The following SGCZ variants were observed in gnomAD, a reference collection of about 807,000 sequenced individuals.
SGCZ encodes sarcoglycan zeta.
Under a neutral mutation model 41.3 loss-of-function variants are expected in SGCZ, and 40 were observed. The observed-to-expected ratio is 0.97, with a 90% confidence interval of 0.75 to 1.26. The LOEUF is 1.26. Among genes scored for constraint, SGCZ ranks in the 50% most tolerant of loss-of-function variants. The pLI is 0.00. For synonymous variants in SGCZ, 206 were observed against 137.5 expected, an observed-to-expected ratio of 1.50 and a Z score of -3.49; for missense variants, 552 against 369.8, an observed-to-expected ratio of 1.49 and a Z score of -4.04.
intron 1 of SGCZ, among the ~76,000 whole-genome samples, chr8:14,706,133 T>C (rs1809326071): frequency 1.3e-5 from 2 of 152,074 alleles, no homozygotes; most frequent in African/African-American, 4.8e-5. Flanking sequence ...TAATAGCTTT[T>C]AGTCTTCAAT....
At chr8:14,279,513 A>G (rs1437424465) in intron 3 of SGCZ, among the ~76,000 whole-genome samples, 1 of 151,784 alleles carries the variant, frequency 6.6e-6, no homozygotes, top group Non-Finnish European at 1.5e-5. Context: ...GGATTGGATG[A>G]CTCCATAAAT....
At chr8:15,208,101 C>T (rs1343726670) in intron 1 of SGCZ, among the ~76,000 whole-genome samples, 1 of 152,038 alleles carries the variant, frequency 6.6e-6, no homozygotes, top group Non-Finnish European at 1.5e-5. Context: ...AATAAAACAG[C>T]AAATAAAACA....
At chr8:14,226,024 G>T (rs1303875774) in intron 4 of SGCZ, among the ~76,000 whole-genome samples, 1 of 151,840 alleles carries the variant, frequency 6.6e-6, no homozygotes, top group East Asian at 1.9e-4. Flanking sequence ...AAGGACGATG[G>T]TATAAGTGAT....
At chr8:15,133,925 G>A (rs1303301659) in intron 1 of SGCZ, among the ~76,000 whole-genome samples, 1 of 152,042 alleles carries the variant, frequency 6.6e-6, no homozygotes, top group Non-Finnish European at 1.5e-5. Flanking sequence ...CCTGGTATTA[G>A]GCATCTATTT....
At chr8:14,196,154 G>A (rs186765178) in intron 4 of SGCZ, among the ~76,000 whole-genome samples, 100 of 151,870 alleles carry the variant, frequency 6.6e-4, no homozygotes, top group Non-Finnish European at 1.2e-3. Context: ...ACTTGAAGAT[G>A]GACATAGATA....
intron 1 of SGCZ, among the ~76,000 whole-genome samples, chr8:14,893,110 T>C (rs1390517601): frequency 2.0e-5 from 3 of 152,156 alleles, no homozygotes; most frequent in Non-Finnish European, 4.4e-5. Context: ...GAAGTTCTGC[T>C]GGAGTATCCT....
chr8:14,139,229 C>T (rs1447734738), intron 5 of SGCZ, among the ~76,000 whole-genome samples: 1 of 152,078 alleles, frequency 6.6e-6, no homozygotes, highest in Non-Finnish European at 1.5e-5. Context: ...TAAAAGCCTA[C>T]AAGAGAAAGC....
intron 2 of SGCZ, among the ~76,000 whole-genome samples, chr8:14,402,180 G>C (rs192194759): frequency 6.6e-6 from 1 of 152,032 alleles, no homozygotes; most frequent in Admixed American, 6.6e-5. Context: ...TGTAGATTCT[G>C]GATATTAGCC....
rs370382863 is a variant in SGCZ, at chr8:14,460,534, G to A, written c.234+94198C>T. On this transcript the variant is annotated intron_variant, in intron 2 of 7. Transcript: ENST00000382080. ...AAATTACTTTAAACATTGACAGTGGGAGAGGGTCAGGCATGCAAATAGCTC... is the reference window on the plus strand; with the variant it reads ...AAATTACTTTAAACATTGACAGTGGAAGAGGGTCAGGCATGCAAATAGCTC... 7.2e-4 allele frequency among the ~76,000 whole-genome samples: 110 copies of A among 152,238 alleles called. 3 individuals are homozygous for A. In the South Asian group the frequency reaches 0.022, roughly 30 times the overall value.
At chr8:14,639,771 T>C (rs115127205) in intron 1 of SGCZ, among the ~76,000 whole-genome samples, 3,606 of 151,814 alleles carry the variant, frequency 0.024, 86 homozygotes, top group African/African-American at 0.065. Flanking sequence ...ATGATTCTCA[T>C]GTGAGAGACT....
At chr8:14,259,828 T>C (rs1799592142) in intron 3 of SGCZ, among the ~76,000 whole-genome samples, 1 of 151,384 alleles carries the variant, frequency 6.6e-6, no homozygotes. Flanking sequence ...TTTAAAGTAG[T>C]TTTTTCCAAT....
At chr8:14,966,633 T>C (rs1339896974) in intron 1 of SGCZ, among the ~76,000 whole-genome samples, 1 of 152,146 alleles carries the variant, frequency 6.6e-6, no homozygotes, top group Non-Finnish European at 1.5e-5. Flanking sequence ...ATAATATTAA[T>C]ACTGTTTTCC....
At chr8:14,431,661 T>C (rs949242716) in intron 2 of SGCZ, among the ~76,000 whole-genome samples, 18 of 152,094 alleles carry the variant, frequency 1.2e-4, no homozygotes, top group African/African-American at 4.3e-4. Context: ...CAAAATCAAA[T>C]GCAATAAACA....
chr8:14,482,233 G>C (rs150662053), intron 2 of SGCZ, among the ~76,000 whole-genome samples: 327 of 152,250 alleles, frequency 2.1e-3, no homozygotes, highest in African/African-American at 6.7e-3. Flanking sequence ...CTTGAGCTGT[G>C]TTCATATCTG....
chr8:15,190,796 T>C (rs986406373), intron 1 of SGCZ, among the ~76,000 whole-genome samples: 2 of 152,088 alleles, frequency 1.3e-5, no homozygotes, highest in African/African-American at 2.4e-5. Context: ...AAGTCTTCTT[T>C]AGTAACTATA....
chr8:14,382,093 T>C (rs1804388804), intron 2 of SGCZ, among the ~76,000 whole-genome samples: 1 of 152,166 alleles, frequency 6.6e-6, no homozygotes. Context: ...ATACTTCCTC[T>C]AACATTTTTC....
chr8:15,225,281 G>A (rs1160711323), intron 1 of SGCZ, among the ~76,000 whole-genome samples: 2 of 151,832 alleles, frequency 1.3e-5, no homozygotes, highest in Admixed American at 1.3e-4. Context: ...GTACAATGCA[G>A]CTAAATATCC....
intron 2 of SGCZ, among the ~76,000 whole-genome samples, chr8:14,339,545 T>A (rs908840615): frequency 2.0e-5 from 3 of 152,202 alleles, no homozygotes; most frequent in Admixed American, 6.5e-5. Context: ...ACACGACGAA[T>A]CAGTTGCCAT....
At chr8:14,944,771 G>A (rs962997292) in intron 1 of SGCZ, among the ~76,000 whole-genome samples, 3 of 152,104 alleles carry the variant, frequency 2.0e-5, no homozygotes, top group Non-Finnish European at 4.4e-5. Flanking sequence ...CTTAAGATGG[G>A]TTTATTGAGA....
Sources: allele counts gnomAD v4.1 joint callset (sites outside exome capture counted in the v4.1 genomes callset), GRCh38; gene constraint gnomAD v4.1.1; transcripts MANE v1.5; gene names NCBI Gene and HGNC (gene_info 2026-07-23, HGNC 2026-07-21).